The following MAPK1IP1L variants were observed in gnomAD, a reference collection of about 807,000 sequenced individuals.
MAPK1IP1L encodes the protein mitogen-activated protein kinase 1 interacting protein 1 like.
Under a neutral mutation model 18.1 loss-of-function variants are expected in MAPK1IP1L, and 10 were observed. The ratio of observed to expected loss-of-function variants is 0.55; its 90% confidence interval spans 0.34 to 0.94. The LOEUF (loss-of-function observed/expected upper bound fraction) is 0.94, where lower values mean the gene tolerates loss of function less well. MAPK1IP1L is among the 40% of genes least tolerant of loss of function. The probability of loss-of-function intolerance (pLI) is 0.02; values close to 1 mark genes in which losing one functional copy is unlikely to be tolerated. For missense variants in MAPK1IP1L, 260 were observed against 318.2 expected (o/e 0.82, Z 1.39); for synonymous variants, 115 against 117.3 (o/e 0.98, Z 0.13).
chr14:55,055,742 C>T (rs2042766346), intron 1 of MAPK1IP1L, among the ~76,000 whole-genome samples: 1 of 152,070 alleles, frequency 6.6e-6, no homozygotes, highest in Admixed American at 6.6e-5. Context: ...ACCAGCCTGG[C>T]CAACATGGTG....
chr14:55,058,065 T>G (rs1006473673), intron 1 of MAPK1IP1L, among the ~76,000 whole-genome samples: 2 of 152,212 alleles, frequency 1.3e-5, no homozygotes, highest in Admixed American at 1.3e-4. Flanking sequence ...AGAGTCCAAG[T>G]TGGGAACCAG....
chr14:55,063,236 C>G lies in MAPK1IP1L; in HGVS notation c.637C>G (p.Pro213Ala). Residue 213 changes from proline (P) to alanine (A), a missense_variant, in exon 3 of 4, where the codon CCC becomes GCC. By Grantham distance (27) the Pro-to-Ala change is conservative. Coordinates refer to ENST00000395468, the MANE Select transcript of MAPK1IP1L (RefSeq NM_144578.4). ...ATATCCTGCCCCTACAGGATCGTAT[C>G]CCACACCAGGACTCTATCCTACTCC... ...APYPAPTGSY[P>A]TPGLYPTPSN... The G allele has an allele frequency of 1.2e-6, 2 of 1,614,144 alleles. No individual in the cohort carries two copies. The highest frequency in any genetic ancestry group is 1.1e-5 in the South Asian group (1 of 91,088).
Position 55,060,151 on chromosome 14 carries a change from GA to G in MAPK1IP1L, c.-4-1526del, listed in dbSNP as rs1218050674. On this transcript the variant is annotated intron_variant, in intron 1 of 3. Transcript: ENST00000395468. ...ATCTACAGATAAAAGGAATTTTGGA[GA>G]AATTTTTTTTTTTTTTTTTTTTTTT... is the stretch of plus-strand genomic sequence containing the variant. Among the ~76,000 whole-genome samples, 105 of 124,698 alleles carry G rather than the reference GA, an allele frequency of 8.4e-4. 1 individual carries two copies. In the East Asian group the frequency reaches 0.015, roughly 18 times the overall value. The allele number at this position is 124,698 out of a possible 152,430, so 81.8% of individuals were successfully genotyped here. A position where few individuals can be genotyped will look rare whatever the true frequency, so the allele number is the denominator to read the frequency against.
chr14:55,069,537 A>G lies in MAPK1IP1L; in HGVS notation c.*4910A>G, dbSNP rs956285059. The G allele has an allele frequency of 6.6e-6, 1 of 152,606 alleles. No individual in the cohort carries two copies. The highest frequency in any genetic ancestry group is 2.4e-5 in the African/African-American group (1 of 41,446). 9.5% of individuals were successfully genotyped at this position (152,606 alleles called of 1,614,324 possible). On this transcript the variant is annotated 3_prime_UTR_variant, in exon 4 of 4. Transcript: ENST00000395468. Reference sequence around the variant, plus strand: ...AACTTTTTTTAAAAAATGTATTTTCATGGTTTCACAGATTTTTCATGTTAT... The same window carrying G: ...AACTTTTTTTAAAAAATGTATTTTCGTGGTTTCACAGATTTTTCATGTTAT...
Position 55,068,680 on chromosome 14 carries a change from TA to T in MAPK1IP1L, c.*4054del, listed in dbSNP as rs1474644359. The T allele has an allele frequency of 2.0e-5, 3 of 152,244 alleles. No individual in the cohort carries two copies. Among genetic ancestry groups the T allele is most frequent in the Non-Finnish European group, 2.9e-5 (2 of 68,040 alleles). 9.4% of individuals were successfully genotyped at this position (152,244 alleles called of 1,614,324 possible). On this transcript the variant is annotated 3_prime_UTR_variant, in exon 4 of 4. Transcript: ENST00000395468. ...TTGATTTTAATAAAGCAATATTTAG[TA>T]TTGAAGACAAACACTTTTTATTTTC... is the stretch of plus-strand genomic sequence containing the variant.
intron 1 of MAPK1IP1L, among the ~76,000 whole-genome samples, chr14:55,057,916 C>T (rs2042784393): frequency 6.6e-6 from 1 of 151,998 alleles, no homozygotes; most frequent in East Asian, 1.9e-4. Context: ...GCCTCGGTGA[C>T]AGAGCAAGAC....
chr14:55,059,486 A>G (rs1162482409), intron 1 of MAPK1IP1L, among the ~76,000 whole-genome samples: 1 of 152,186 alleles, frequency 6.6e-6, no homozygotes, highest in Non-Finnish European at 1.5e-5. Flanking sequence ...CTAGCTGGGC[A>G]GGATCGATTG....
chr14:55,061,921 G>C (rs1267852543), intron 2 of MAPK1IP1L, among the ~76,000 whole-genome samples: 1 of 152,226 alleles, frequency 6.6e-6, no homozygotes, highest in Non-Finnish European at 1.5e-5. Flanking sequence ...CTGGGTGACA[G>C]AGTGAGACTC....
intron 1 of MAPK1IP1L, among the ~76,000 whole-genome samples, chr14:55,061,336 C>G (rs2042816522): frequency 6.6e-6 from 1 of 152,124 alleles, no homozygotes; most frequent in Non-Finnish European, 1.5e-5. Flanking sequence ...AATTCCATGT[C>G]CAGTGCTTTT....
At chr14:55,063,431 A>C in intron 3 of MAPK1IP1L, 106 bp downstream of exon 3, 1 of 959,978 alleles carries the variant, frequency 1.0e-6, no homozygotes, top group Non-Finnish European at 1.5e-6. Context: ...TTAAGTTTTT[A>C]AAAGAGGGTG....
In MAPK1IP1L at chr14:55,063,219, C is replaced by T. The variant is rs764831052; in HGVS notation, c.620C>T (p.Ala207Val). The part of the protein sequence containing the change: ...GAWGPPAPYP[A>V]PTGSYPTPGL... ...TGGGGACCACCAGCACCATATCCTGCCCCTACAGGATCGTATCCCACACCA... is the reference window on the plus strand; with the variant it reads ...TGGGGACCACCAGCACCATATCCTGTCCCTACAGGATCGTATCCCACACCA... Residue 207 changes from alanine to valine, a missense_variant, in exon 3 of 4, where the codon GCC (alanine) becomes GTC (valine). Transcript: ENST00000395468. 1 of 1,614,168 alleles carries T rather than the reference C, an allele frequency of 6.2e-7. No individual in the cohort carries two copies. Among genetic ancestry groups the T allele is most frequent in the Non-Finnish European group, 8.5e-7 (1 of 1,180,018 alleles).
chr14:55,061,172 A>G (rs1436907407), intron 1 of MAPK1IP1L, among the ~76,000 whole-genome samples: 2 of 152,140 alleles, frequency 1.3e-5, no homozygotes, highest in African/African-American at 4.8e-5. Context: ...AGACGAGGAA[A>G]TGTAAGTTAA....
Position 55,058,695 on chromosome 14 carries a change from G to A in MAPK1IP1L, c.-4-2985G>A, listed in dbSNP as rs144252490. Among the ~76,000 whole-genome samples, 1,345 of 152,232 alleles carry A rather than the reference G, an allele frequency of 8.8e-3. 17 individuals carry two copies. Among genetic ancestry groups the A allele is most frequent in the African/African-American group, 0.03 (1,254 of 41,536 alleles). On this transcript the variant is annotated intron_variant, in intron 1 of 3. Coordinates refer to ENST00000395468, the MANE Select transcript of MAPK1IP1L (RefSeq NM_144578.4). The stretch of plus-strand genomic sequence containing the variant: ...AAAATACAAAAAATTAGCCGGGCAT[G>A]GCGGCGCTTGCCTATAATCCCAGTT...
At chr14:55,054,156 CTAATTTA>C (rs941406154) in intron 1 of MAPK1IP1L, among the ~76,000 whole-genome samples, 1 of 148,740 alleles carries the variant, frequency 6.7e-6, no homozygotes, top group African/African-American at 2.5e-5. Context: ...AGCATGTATT[CTAATTTA>C]TAATTTATAT....
chr14:55,051,748 A>G lies in MAPK1IP1L; in HGVS notation c.-60A>G. The G allele has an allele frequency of 1.9e-6, 1 of 515,796 alleles. No homozygotes were observed. Among genetic ancestry groups the G allele is most frequent in the African/African-American group, 1.9e-5 (1 of 51,506 alleles). 32.0% of individuals were successfully genotyped at this position (515,796 alleles called of 1,614,324 possible). A position where few individuals can be genotyped will look rare whatever the true frequency, so the allele number is the denominator to read the frequency against. The stretch of plus-strand genomic sequence containing the variant: ...GGCTGCGCCCGCGTCTTCAGGGCCC[A>G]GTCCCTCGGACCCATCGCCGCTTCT... On this transcript the variant is annotated 5_prime_UTR_variant, in exon 1 of 4. Coordinates refer to ENST00000395468, the MANE Select transcript of MAPK1IP1L (RefSeq NM_144578.4).
intron 1 of MAPK1IP1L, among the ~76,000 whole-genome samples, chr14:55,060,145 T>G (rs954157435): frequency 6.9e-6 from 1 of 145,880 alleles, no homozygotes; most frequent in African/African-American, 2.5e-5. Context: ...TAAAAGGAAT[T>G]TTGGAGAAAT....
rs183052701 is a variant in MAPK1IP1L at position 55,068,473 on chromosome 14, C to T, written c.*3846C>T. On this transcript the variant is annotated 3_prime_UTR_variant, in exon 4 of 4. Coordinates refer to ENST00000395468, the MANE Select transcript of MAPK1IP1L (RefSeq NM_144578.4). ...ACTTCTAAACAATAAGTGCCAATGT[C>T]TCAATTTTCTCACCCTGAATGATAG... 6.5e-6 allele frequency: 1 copy of T among 152,718 alleles called. No homozygotes were observed. Among genetic ancestry groups the T allele is most frequent in the Admixed American group, 6.5e-5 (1 of 15,290 alleles). 9.5% of individuals were successfully genotyped at this position (152,718 alleles called of 1,614,324 possible).
At chr14:55,059,419 C>T (rs941545644) in intron 1 of MAPK1IP1L, among the ~76,000 whole-genome samples, 2 of 151,914 alleles carry the variant, frequency 1.3e-5, no homozygotes, top group African/African-American at 4.8e-5. Context: ...ATCACTTGAG[C>T]TCCGGAGTTC....
chr14:55,052,730 G>A (rs949577273), intron 1 of MAPK1IP1L, among the ~76,000 whole-genome samples: 2 of 152,154 alleles, frequency 1.3e-5, no homozygotes, highest in African/African-American at 4.8e-5. Flanking sequence ...GTGTTCTTTG[G>A]GGGAAGAATA....
Sources: allele counts gnomAD v4.1 joint callset (sites outside exome capture counted in the v4.1 genomes callset), GRCh38; gene constraint gnomAD v4.1.1; transcripts MANE v1.5; gene names NCBI Gene and HGNC (gene_info 2026-07-23, HGNC 2026-07-21).